Variants in NPAS3 observed in about 807,000 individuals in gnomAD.
The protein encoded by NPAS3 is neuronal PAS domain protein 3.
NPAS3 carries 14 observed loss-of-function variants against 73.1 expected under a neutral mutation model. The ratio of observed to expected loss-of-function variants is 0.19; its 90% CI spans 0.13 to 0.30. NPAS3 has a LOEUF of 0.30. Among genes scored for constraint, NPAS3 ranks in the 10% least tolerant of loss-of-function variants. The probability of loss-of-function intolerance (pLI) is 1.00; values close to 1 mark genes in which losing one functional copy is unlikely to be tolerated. For synonymous variants in NPAS3, 620 were observed against 541.5 expected (o/e 1.14, Z -2.01); for missense variants, 1,096 against 1,250.0 (o/e 0.88, Z 1.86).
At chr14:33,292,758 G>A (rs17100554) in intron 3 of NPAS3, among the ~76,000 whole-genome samples, 3,643 of 152,200 alleles carry the variant, frequency 0.024, 133 homozygotes, top group African/African-American at 0.082. Flanking sequence ...TTTTCATGGG[G>A]CACTTTTTGT....
chr14:33,024,446 A>G (rs1273512051), intron 1 of NPAS3, among the ~76,000 whole-genome samples: 2 of 152,106 alleles, frequency 1.3e-5, no homozygotes, highest in Non-Finnish European at 2.9e-5. Flanking sequence ...CTGGGATTAC[A>G]GGCGTGAGCC....
At chr14:33,501,432 T>G (rs1402607681) in intron 4 of NPAS3, among the ~76,000 whole-genome samples, 1 of 151,926 alleles carries the variant, frequency 6.6e-6, no homozygotes, top group Non-Finnish European at 1.5e-5. Context: ...TAACATTTAC[T>G]TTAAAAATTT....
chr14:33,678,630 G>A (rs1305618237), intron 6 of NPAS3, among the ~76,000 whole-genome samples: 1 of 152,066 alleles, frequency 6.6e-6, no homozygotes, highest in Non-Finnish European at 1.5e-5. Context: ...CTCAGGGTAG[G>A]CTACTATACT....
At chr14:33,147,925 T>G (rs10146492) in intron 2 of NPAS3, among the ~76,000 whole-genome samples, 56,047 of 151,492 alleles carry the variant, frequency 0.37, 10,857 homozygotes, top group East Asian at 0.5. Flanking sequence ...AAGAAAGCTT[T>G]TGTACATACA....
At chr14:33,368,746 G>C (rs1199693857) in intron 4 of NPAS3, among the ~76,000 whole-genome samples, 1 of 152,102 alleles carries the variant, frequency 6.6e-6, no homozygotes, top group Non-Finnish European at 1.5e-5. Flanking sequence ...GACACAGAAA[G>C]GATCATATTT....
chr14:33,515,969 A>G (rs1489344633), intron 4 of NPAS3, among the ~76,000 whole-genome samples: 1 of 152,150 alleles, frequency 6.6e-6, no homozygotes, highest in Non-Finnish European at 1.5e-5. Context: ...TTGAATAACA[A>G]TGGTAGCTAA....
At chr14:33,205,455 A>G (rs2046787767) in intron 2 of NPAS3, among the ~76,000 whole-genome samples, 1 of 152,164 alleles carries the variant, frequency 6.6e-6, no homozygotes, top group Non-Finnish European at 1.5e-5. Context: ...AAGCCTTTGG[A>G]TATGTAGTTG....
At chr14:33,177,365 G>C (rs1489650856) in intron 2 of NPAS3, among the ~76,000 whole-genome samples, 1 of 151,510 alleles carries the variant, frequency 6.6e-6, no homozygotes, top group Non-Finnish European at 1.5e-5. Flanking sequence ...CAAAGAGCTG[G>C]GTATCTTTTT....
At chr14:33,297,611 A>G (rs142068409) in intron 3 of NPAS3, among the ~76,000 whole-genome samples, 1 of 152,358 alleles carries the variant, frequency 6.6e-6, no homozygotes, top group Non-Finnish European at 1.5e-5. Flanking sequence ...TAAAAAATAA[A>G]TGCACACACA....
chr14:33,454,709 A>T (rs2049948636), intron 4 of NPAS3, among the ~76,000 whole-genome samples: 1 of 152,140 alleles, frequency 6.6e-6, no homozygotes, highest in Admixed American at 6.5e-5. Flanking sequence ...GGGATTCGGG[A>T]AATAAACCGG....
chr14:33,541,923 A>AT (rs1011579142), intron 4 of NPAS3, among the ~76,000 whole-genome samples: 19 of 151,426 alleles, frequency 1.3e-4, no homozygotes, highest in African/African-American at 2.2e-4. Context: ...CTGCAGGTTA[A>AT]TTTTTTTTTC....
intron 5 of NPAS3, among the ~76,000 whole-genome samples, chr14:33,607,642 C>T (rs903550475): frequency 2.0e-5 from 3 of 152,134 alleles, no homozygotes; most frequent in African/African-American, 7.2e-5. Flanking sequence ...AAGGTAGATA[C>T]TTTAAATATA....
At chr14:33,160,154 C>T (rs2044810337) in intron 2 of NPAS3, among the ~76,000 whole-genome samples, 1 of 151,992 alleles carries the variant, frequency 6.6e-6, no homozygotes, top group Non-Finnish European at 1.5e-5. Flanking sequence ...ATGTATGAGA[C>T]ATAAGAGTAC....
At chr14:33,002,401 A>G (rs1352296353) in intron 1 of NPAS3, among the ~76,000 whole-genome samples, 1 of 152,186 alleles carries the variant, frequency 6.6e-6, no homozygotes, top group Non-Finnish European at 1.5e-5. Flanking sequence ...GGAGCCATTG[A>G]TGGCTTTTGA....
At chr14:33,292,971 A>G (rs1479668780) in intron 3 of NPAS3, among the ~76,000 whole-genome samples, 1 of 152,196 alleles carries the variant, frequency 6.6e-6, no homozygotes, top group Non-Finnish European at 1.5e-5. Flanking sequence ...TATATGAGGA[A>G]GACCAGGCAG....
Position 32,982,104 on chromosome 14 carries a change from T to C in NPAS3, c.50+42738T>C, listed in dbSNP as rs371169401. On this transcript the variant is annotated intron_variant, in intron 1 of 11. Transcript: ENST00000356141. The stretch of plus-strand genomic sequence containing the variant: ...ATAAAGAAGAGAAATTTAATTCTCA[T>C]ACTCCTGGAGTCTGGAAAGTCCAAT... 5.9e-5 allele frequency among the ~76,000 whole-genome samples: 9 copies of C among 152,218 alleles called. No individual in the cohort carries two copies. In the East Asian group the frequency reaches 7.7e-4, roughly 13 times the overall value.
At chr14:33,094,554 C>T (rs1377859476) in intron 2 of NPAS3, among the ~76,000 whole-genome samples, 1 of 151,830 alleles carries the variant, frequency 6.6e-6, no homozygotes, top group Non-Finnish European at 1.5e-5. Context: ...CAACCTCCAC[C>T]TCTTGGGTTC....
At chr14:33,628,486 TTTAA>T (rs563813622) in intron 5 of NPAS3, among the ~76,000 whole-genome samples, 47 of 152,362 alleles carry the variant, frequency 3.1e-4, no homozygotes, top group African/African-American at 9.9e-4. Flanking sequence ...CCGTCAGTAC[TTTAA>T]TTGTTTCTGC....
intron 2 of NPAS3, among the ~76,000 whole-genome samples, chr14:33,167,723 C>G (rs1042601968): frequency 2.6e-5 from 4 of 152,158 alleles, no homozygotes; most frequent in African/African-American, 9.7e-5. Flanking sequence ...AAACACAATT[C>G]CTTCACCATG....
Sources: gnomAD v4.1 joint callset for allele counts (sites outside exome capture counted in the v4.1 genomes callset) on GRCh38, gnomAD v4.1.1 for gene constraint, MANE v1.5 for transcripts, NCBI Gene and HGNC (gene_info 2026-07-23, HGNC 2026-07-21) for gene names.